Variants in ACVR1 observed in about 807,000 individuals in gnomAD.
ACVR1 encodes the protein activin A receptor type 1, also known as activin receptor type-1.
Under a neutral mutation model 57.1 loss-of-function variants are expected in ACVR1, and 38 were observed. The observed-to-expected ratio is 0.67, with a 90% CI of 0.51 to 0.87. The LOEUF is 0.87. Among genes scored for constraint, ACVR1 ranks in the 40% least tolerant of loss-of-function variants. The pLI is 0.00. For synonymous variants in ACVR1, 212 were observed against 228.1 expected (o/e 0.93, Z 0.63); for missense variants, 463 against 638.2 (o/e 0.73, Z 2.96).
chr2:157,780,999 A>G (rs1335651027), intron 3 of ACVR1, among the ~76,000 whole-genome samples: 1 of 152,120 alleles, frequency 6.6e-6, no homozygotes, highest in Non-Finnish European at 1.5e-5. Context: ...CCTTTATTCT[A>G]TTCCAAAAAA....
intron 1 of ACVR1, among the ~76,000 whole-genome samples, chr2:157,834,358 G>A (rs1326961439): frequency 2.0e-5 from 3 of 152,074 alleles, no homozygotes; most frequent in Admixed American, 6.6e-5. Flanking sequence ...CTCCCAAAGT[G>A]CTAGGATTAT....
chr2:157,821,439 C>T (rs1372946449), intron 1 of ACVR1, among the ~76,000 whole-genome samples: 1 of 151,900 alleles, frequency 6.6e-6, no homozygotes, highest in African/African-American at 2.4e-5. Flanking sequence ...GCACGAGACT[C>T]GCTTGAACCC....
intron 3 of ACVR1, among the ~76,000 whole-genome samples, chr2:157,798,098 G>A (rs1458244860): frequency 1.3e-5 from 2 of 152,280 alleles, no homozygotes; most frequent in East Asian, 1.9e-4. Context: ...AATAGGCCAA[G>A]ACATGGCCGT....
intron 1 of ACVR1, among the ~76,000 whole-genome samples, chr2:157,818,995 G>A (rs1178854724): frequency 8.8e-5 from 13 of 146,960 alleles, no homozygotes; most frequent in East Asian, 4.0e-4. Context: ...GGAGAATGGC[G>A]TGAACCCGGG....
chr2:157,738,427 C>G lies in ACVR1; in HGVS notation c.1395+13G>C, dbSNP rs1373284528. 1 of 1,613,942 alleles carries G rather than the reference C, an allele frequency of 6.2e-7. No homozygotes were observed. The highest frequency in any genetic ancestry group is 1.1e-5 in the South Asian group (1 of 91,088). ...GGAAAAGAGCTCTAAAACTGAGAAA[C>G]TGGCATTCTTACCGGGTCTGAGAAC... On this transcript the variant is annotated intron_variant, in intron 10 of 10. Transcript: ENST00000434821.
rs148409386 is a variant in ACVR1 at position 157,843,921 on chromosome 2, C to T, written c.-182-25362G>A. 2.2e-4 allele frequency among the ~76,000 whole-genome samples: 34 copies of T among 152,196 alleles called. No individual in the cohort carries two copies. The East Asian group carries it at 5.0e-3, about 22-fold the overall frequency. On this transcript the variant is annotated intron_variant, in intron 1 of 10. Transcript: ENST00000434821. ...TTAAACTTTAATGGGGTTAGACTGC[C>T]AGCATCCATTCAAAGACGAAAAAGA...
chr2:157,799,549 C>T, intron 2 of ACVR1, 49 bp from the exon 3 acceptor site: 1 of 1,447,148 alleles, frequency 6.9e-7, no homozygotes, highest in Non-Finnish European at 9.7e-7. Context: ...TATCTAACTG[C>T]AGGAAGACAA....
At chr2:157,762,459 G>A (rs1371856398) in intron 8 of ACVR1, among the ~76,000 whole-genome samples, 1 of 152,134 alleles carries the variant, frequency 6.6e-6, no homozygotes, top group African/African-American at 2.4e-5. Context: ...TATTTCTCAG[G>A]GAAAAGAGGG....
chr2:157,763,157 AATG>A (rs1685729044), intron 8 of ACVR1, among the ~76,000 whole-genome samples: 1 of 152,230 alleles, frequency 6.6e-6, no homozygotes, highest in African/African-American at 2.4e-5. Flanking sequence ...ATGAATATAA[AATG>A]ATACTAGAGA....
chr2:157,747,447 G>A (rs1008613501), intron 9 of ACVR1, among the ~76,000 whole-genome samples: 17 of 152,064 alleles, frequency 1.1e-4, no homozygotes, highest in Middle Eastern at 3.4e-3. Flanking sequence ...ATATGGAAAT[G>A]GTTAAGCTAA....
chr2:157,782,562 T>C (rs1268981717), intron 3 of ACVR1, among the ~76,000 whole-genome samples: 2 of 152,216 alleles, frequency 1.3e-5, no homozygotes, highest in African/African-American at 4.8e-5. Flanking sequence ...GCAAAAAGTT[T>C]ACACTTGCCA....
intron 1 of ACVR1, among the ~76,000 whole-genome samples, chr2:157,854,740 G>A (rs560724369): frequency 6.9e-6 from 1 of 145,650 alleles, no homozygotes; most frequent in East Asian, 2.1e-4. Context: ...AAAAAAAAGA[G>A]TGAATCTTTT....
intron 3 of ACVR1, among the ~76,000 whole-genome samples, chr2:157,785,454 G>C (rs560978618): frequency 6.6e-6 from 1 of 152,246 alleles, no homozygotes; most frequent in East Asian, 1.9e-4. Context: ...ATTAAACAAA[G>C]GCTTTAAGAA....
At chr2:157,858,044 A>C (rs1353362956) in intron 1 of ACVR1, among the ~76,000 whole-genome samples, 1 of 152,108 alleles carries the variant, frequency 6.6e-6, no homozygotes, top group African/African-American at 2.4e-5. Context: ...AAACTTAAAA[A>C]AAAAAAAGTC....
At chr2:157,750,651 T>C (rs1220509717) in intron 9 of ACVR1, among the ~76,000 whole-genome samples, 1 of 151,936 alleles carries the variant, frequency 6.6e-6, no homozygotes, top group Non-Finnish European at 1.5e-5. Flanking sequence ...TTATACCAGA[T>C]GTGCTGATAT....
chr2:157,833,872 T>C (rs1268642871), intron 1 of ACVR1, among the ~76,000 whole-genome samples: 7 of 152,182 alleles, frequency 4.6e-5, no homozygotes, highest in African/African-American at 1.7e-4. Flanking sequence ...TAAAAATCCA[T>C]TTTAGTTGTT....
intron 1 of ACVR1, among the ~76,000 whole-genome samples, chr2:157,825,001 C>G (rs1307120258): frequency 6.6e-6 from 1 of 152,178 alleles, no homozygotes; most frequent in Non-Finnish European, 1.5e-5. Flanking sequence ...CCACCTCAGT[C>G]TCTCAAAGTG....
chr2:157,743,621 G>A (rs1684859832), intron 9 of ACVR1, among the ~76,000 whole-genome samples: 1 of 151,348 alleles, frequency 6.6e-6, no homozygotes, highest in African/African-American at 2.4e-5. Context: ...TATATTTTAT[G>A]TAACATCCCC....
At chr2:157,868,760 C>T (rs980208881) in intron 1 of ACVR1, among the ~76,000 whole-genome samples, 3 of 152,164 alleles carry the variant, frequency 2.0e-5, no homozygotes, top group Admixed American at 6.5e-5. Context: ...TATAATTATT[C>T]ACTCCCTTAC....
Sources: allele counts gnomAD v4.1 joint callset (sites outside exome capture counted in the v4.1 genomes callset), GRCh38; gene constraint gnomAD v4.1.1; transcripts MANE v1.5; gene names NCBI Gene and HGNC (gene_info 2026-07-23, HGNC 2026-07-21).